The following RABGAP1L variants were observed in gnomAD, a reference collection of about 807,000 sequenced individuals.
RABGAP1L encodes RAB GTPase activating protein 1 like, also known as rab GTPase-activating protein 1-like.
A neutral mutation model predicts 137.7 loss-of-function variants in RABGAP1L; 63 were observed. The observed-to-expected ratio is 0.46, with a 90% CI of 0.37 to 0.56. RABGAP1L has a LOEUF of 0.56. RABGAP1L is among the 20% of genes least tolerant of loss of function. The probability of loss-of-function intolerance (pLI) is 0.00; values close to 1 mark genes in which losing one functional copy is unlikely to be tolerated. For missense variants in RABGAP1L, 1,095 were observed against 1,244.0 expected (o/e 0.88, Z 1.80); for synonymous variants, 431 against 433.7 (o/e 0.99, Z 0.08).
At chr1:174,397,901 C>T (rs1373010869) in intron 13 of RABGAP1L, among the ~76,000 whole-genome samples, 6 of 152,070 alleles carry the variant, frequency 3.9e-5, no homozygotes, top group African/African-American at 9.7e-5. Context: ...TGATAATTTG[C>T]GAGAATAACT....
chr1:174,782,230 C>T (rs1009148815), intron 18 of RABGAP1L, among the ~76,000 whole-genome samples: 2 of 152,168 alleles, frequency 1.3e-5, no homozygotes, highest in Non-Finnish European at 2.9e-5. Context: ...TTTGTGCCCT[C>T]TTTTATTTCA....
chr1:174,990,165 T>G lies in RABGAP1L; in HGVS notation c.*164T>G. On this transcript the variant is annotated 3_prime_UTR_variant, in exon 26 of 26. Coordinates refer to ENST00000681986, the MANE Select transcript of RABGAP1L (RefSeq NM_001366446.1). ...TGTATGACACTTTTCAAAGGGATGC[T>G]ATTTAAACTGACCTGTTCTATGTTG... 3 of 895,446 alleles carry G rather than the reference T, an allele frequency of 3.4e-6. No individual in the cohort carries two copies. The highest frequency in any genetic ancestry group is 4.9e-6 in the Non-Finnish European group (3 of 606,398). 55.5% of individuals were successfully genotyped at this position (895,446 alleles called of 1,614,324 possible). A position where few individuals can be genotyped will look rare whatever the true frequency, so the allele number is the denominator to read the frequency against.
intron 11 of RABGAP1L, among the ~76,000 whole-genome samples, chr1:174,360,610 C>T (rs1276631779): frequency 1.3e-5 from 2 of 152,066 alleles, no homozygotes; most frequent in Non-Finnish European, 2.9e-5. Flanking sequence ...CAACATATAA[C>T]TTGTAGCTGG....
At chr1:174,822,526 C>T (rs1691140373) in intron 19 of RABGAP1L, among the ~76,000 whole-genome samples, 1 of 152,186 alleles carries the variant, frequency 6.6e-6, no homozygotes, top group African/African-American at 2.4e-5. Flanking sequence ...TTTTGTGGCC[C>T]TTCCTAATCA....
At chr1:174,926,337 A>G (rs888104621) in intron 19 of RABGAP1L, among the ~76,000 whole-genome samples, 1 of 152,190 alleles carries the variant, frequency 6.6e-6, no homozygotes, top group African/African-American at 2.4e-5. Context: ...TGAGATATTG[A>G]ATAGAAGTGT....
intron 11 of RABGAP1L, among the ~76,000 whole-genome samples, chr1:174,323,188 T>A (rs149342818): frequency 6.6e-6 from 1 of 152,170 alleles, no homozygotes; most frequent in Non-Finnish European, 1.5e-5. Context: ...TTGTGGCATA[T>A]ATATTAGATA....
chr1:174,687,529 C>T (rs1297045453), intron 15 of RABGAP1L, among the ~76,000 whole-genome samples: 2 of 152,192 alleles, frequency 1.3e-5, no homozygotes, highest in Non-Finnish European at 2.9e-5. Context: ...CCCATCCATT[C>T]AACCAATTTG....
intron 11 of RABGAP1L, among the ~76,000 whole-genome samples, chr1:174,351,509 A>C (rs1683187191): frequency 6.6e-6 from 1 of 151,970 alleles, no homozygotes. Context: ...CCTGTCCTGT[A>C]AGGTTTCCAC....
At chr1:174,989,824 C>CA (rs1671937265) in intron 25 of RABGAP1L, 25 bp from the exon 26 acceptor site, 1 of 1,544,184 alleles carries the variant, frequency 6.5e-7, no homozygotes, top group East Asian at 2.4e-5. Flanking sequence ...TTATTTAACT[C>CA]AGATGATTTT....
chr1:174,565,890 T>C (rs1374149310), intron 13 of RABGAP1L, among the ~76,000 whole-genome samples: 1 of 151,206 alleles, frequency 6.6e-6, no homozygotes, highest in African/African-American at 2.4e-5. Context: ...TTACATTTTT[T>C]TTTTTTTTTT....
At chr1:174,933,523 G>A (rs1410512728) in intron 19 of RABGAP1L, among the ~76,000 whole-genome samples, 3 of 152,130 alleles carry the variant, frequency 2.0e-5, no homozygotes, top group African/African-American at 7.2e-5. Flanking sequence ...TTACCTTAAA[G>A]GGAGGAAACT....
intron 19 of RABGAP1L, among the ~76,000 whole-genome samples, chr1:174,866,045 A>C (rs922484149): frequency 1.3e-5 from 2 of 149,740 alleles, no homozygotes; most frequent in Non-Finnish European, 3.0e-5. Context: ...TAGGACAAAA[A>C]TGATTTTTAA....
At chr1:174,848,949 G>A (rs534253168) in intron 19 of RABGAP1L, among the ~76,000 whole-genome samples, 2 of 151,568 alleles carry the variant, frequency 1.3e-5, no homozygotes, top group Non-Finnish European at 1.5e-5. Context: ...TTTTTAAGCC[G>A]GTCTGAAAAG....
intron 17 of RABGAP1L, among the ~76,000 whole-genome samples, chr1:174,730,475 G>A (rs150491853): frequency 5.9e-4 from 89 of 152,064 alleles, no homozygotes; most frequent in African/African-American, 1.9e-3. Flanking sequence ...AATAAAAGTC[G>A]GAAAAAACCC....
At chr1:174,827,599 C>T (rs1381245731) in intron 19 of RABGAP1L, among the ~76,000 whole-genome samples, 2 of 147,730 alleles carry the variant, frequency 1.4e-5, no homozygotes, top group African/African-American at 2.5e-5. Flanking sequence ...TCTTATAACA[C>T]GTGACAGTTT....
chr1:174,263,097 C>T (rs1247999612), intron 7 of RABGAP1L, among the ~76,000 whole-genome samples: 1 of 152,224 alleles, frequency 6.6e-6, no homozygotes, highest in Admixed American at 6.5e-5. Context: ...CTGACACAGA[C>T]ACTGTGTGCC....
chr1:174,408,280 A>G lies in RABGAP1L; in HGVS notation c.1710+14135A>G, dbSNP rs562984085. 3.9e-5 allele frequency among the ~76,000 whole-genome samples: 6 copies of G among 152,024 alleles called. No homozygotes were observed. The South Asian group carries it at 1.2e-3, about 32-fold the overall frequency. ...CCATCTTTATGTCCATGACTACCCA[A>G]TGTTTATCTCCCACTCATAAGTGAG... On this transcript the variant is annotated intron_variant, in intron 13 of 25. Transcript: ENST00000681986.
rs41266060 is a variant in RABGAP1L at position 174,989,971 on chromosome 1, G to A, written c.3126G>A (p.Pro1042=). Residue 1042 remains proline (P), a synonymous_variant, in exon 26 of 26, where the codon CCG becomes CCA. Transcript: ENST00000681986. The stretch of plus-strand genomic sequence containing the variant: ...GCACCCAGCCATTGCAGCCAGCACC[G>A]GTCACCCAGCCACCCAAGGAGAGCA... ...ATGTQPLQPA[P]VTQPPKEST is the part of the protein sequence containing the mutation. 189,476 of 1,547,932 alleles carry A rather than the reference G, an allele frequency of 0.12. 12,646 individuals carry two copies. Among genetic ancestry groups the A allele is most frequent in the East Asian group, 0.29 (11,987 of 40,866 alleles).
At chr1:174,352,158 C>A (rs1161145312) in intron 11 of RABGAP1L, among the ~76,000 whole-genome samples, 1 of 152,164 alleles carries the variant, frequency 6.6e-6, no homozygotes, top group African/African-American at 2.4e-5. Context: ...CAACTGATCT[C>A]TCTCTCTCTC....
Sources: allele counts gnomAD v4.1 joint callset (sites outside exome capture counted in the v4.1 genomes callset), GRCh38; gene constraint gnomAD v4.1.1; transcripts MANE v1.5; gene names NCBI Gene and HGNC (gene_info 2026-07-23, HGNC 2026-07-21).